GPATCH1: variants seen among roughly 807,000 people sequenced by gnomAD.
GPATCH1 encodes G patch domain-containing protein 1.
Under a neutral mutation model 114.9 loss-of-function variants are expected in GPATCH1, and 73 were observed. The observed-to-expected ratio is 0.64, with a 90% CI of 0.53 to 0.77. The LOEUF (loss-of-function observed/expected upper bound fraction) is 0.77. Ranked by LOEUF, GPATCH1 falls within the 30% of genes least tolerant of loss-of-function variation. GPATCH1 has a pLI of 0.00. For synonymous variants in GPATCH1, 391 were observed against 428.4 expected (o/e 0.91, Z 1.08); for missense variants, 1,058 against 1,144.3 (o/e 0.92, Z 1.09).
intron 3 of GPATCH1, 31 bp downstream of exon 3, chr19:33,090,896 G>A (rs1452750909): frequency 2.9e-6 from 4 of 1,399,670 alleles, no homozygotes; most frequent in Non-Finnish European, 4.1e-6. Flanking sequence ...TTGCCAATTA[G>A]CTGGTGGGAC....
chr19:33,097,275 T>TC (rs1972672343), intron 7 of GPATCH1, among the ~76,000 whole-genome samples: 1 of 152,330 alleles, frequency 6.6e-6, no homozygotes, highest in African/African-American at 2.4e-5. Flanking sequence ...TGTTTTTTTT[T>TC]CAGTCTTTTA....
intron 1 of GPATCH1, among the ~76,000 whole-genome samples, chr19:33,086,879 C>T (rs1352189073): frequency 6.6e-6 from 1 of 151,648 alleles, no homozygotes; most frequent in African/African-American, 2.4e-5. Context: ...GAGGCTGAGG[C>T]AGGAGAACCA....
At chr19:33,085,356 A>G (rs1195696697) in intron 1 of GPATCH1, among the ~76,000 whole-genome samples, 1 of 151,512 alleles carries the variant, frequency 6.6e-6, no homozygotes, top group East Asian at 2.0e-4. Context: ...AGTAACCAGG[A>G]CTATAGGCGC....
At position 33,088,116 on chromosome 19, in the gene GPATCH1, T is replaced by A. The variant is rs1418741433; in HGVS notation, c.74-18T>A. The A allele has an allele frequency of 2.6e-6, 3 of 1,159,458 alleles. No homozygotes were observed. The highest frequency in any genetic ancestry group is 3.4e-5 in the East Asian group (1 of 29,106). 71.8% of individuals were successfully genotyped at this position (1,159,458 alleles called of 1,614,324 possible). The stretch of plus-strand genomic sequence containing the variant: ...CTCTCTTTTTCATTTAAAAAACTTT[T>A]TTTTTTTTTTTTTTTAGGTGAAAGA... On this transcript the variant is annotated intron_variant, in intron 1 of 19. Coordinates refer to ENST00000170564, the MANE Select transcript of GPATCH1 (RefSeq NM_018025.3).
intron 13 of GPATCH1, 171 bp from the exon 14 acceptor site, chr19:33,113,596 T>G (rs763921782): frequency 1.4e-4 from 82 of 567,316 alleles, no homozygotes; most frequent in Non-Finnish European, 2.3e-4. Context: ...GAAAATCTCA[T>G]GGGACCTAAA....
At chr19:33,111,058 C>T (rs1259865257) in intron 11 of GPATCH1, among the ~76,000 whole-genome samples, 5 of 150,476 alleles carry the variant, frequency 3.3e-5, no homozygotes, top group Non-Finnish European at 7.4e-5. Context: ...GCTCTGTTGC[C>T]CAGGCTGGAG....
chr19:33,099,502 C>A (rs976966620), intron 8 of GPATCH1, among the ~76,000 whole-genome samples: 3 of 152,078 alleles, frequency 2.0e-5, no homozygotes, highest in East Asian at 1.9e-4. Flanking sequence ...CTCTCCCCCC[C>A]TGCAGGGTCA....
At position 33,096,440 on chromosome 19, in the gene GPATCH1, A is replaced by C; in HGVS notation, c.846A>C (p.Ser282=). The C allele has an allele frequency of 6.2e-7, 1 of 1,607,304 alleles. No homozygotes were observed. The highest frequency in any genetic ancestry group is 1.7e-4 in the Middle Eastern group (1 of 6,034). ...GLNKGRKLGI[S]GQAFGVGALE... is the part of the protein sequence containing the mutation. ...ATAAAGGAAGAAAATTGGGAATTTC[A>C]GGCCAGGTAAAATTATTTTCTATTT... Residue 282 remains serine (S), a synonymous_variant, in exon 7 of 20, where the codon TCA becomes TCC. Transcript: ENST00000170564.
rs1451601138 is a variant in GPATCH1, at chr19:33,096,298, G to A, written c.704G>A (p.Gly235Asp). Residue 235 changes from glycine to aspartate, a missense_variant, in exon 7 of 20, where the codon GGT becomes GAT. Gly to Asp is a moderately conservative substitution (Grantham distance 94). Transcript: ENST00000170564. The part of the protein sequence containing the change: ...VDFTPKDNVH[G>D]LAYKGLDPHQ... ...TTCACACCTAAAGATAATGTGCATGGTCTAGCTTACAAGGGCCTGGATCCC... is the reference window on the plus strand; with the variant it reads ...TTCACACCTAAAGATAATGTGCATGATCTAGCTTACAAGGGCCTGGATCCC... The A allele has an allele frequency of 2.5e-6, 4 of 1,614,032 alleles. No homozygotes were observed. In the Admixed American group the frequency reaches 5.0e-5, roughly 20 times the overall value.
Position 33,113,902 on chromosome 19 carries a change from C to G in GPATCH1, c.2028C>G (p.Asp676Glu), listed in dbSNP as rs775093525. ...SEKVSQHRGP[D>E]KSRKPSRWDT... ...AAGTATCACAGCACCGAGGTCCCGA[C>G]AGTGAGTAGGGCGTCCCCGGGGTCT... The change falls in exon 14 of 20, where the codon GAC becomes GAG. Residue 676 changes from aspartate (D) to glutamate (E), a missense_variant and splice_region_variant. Around this residue, in one of 3 missense-constraint regions of GPATCH1, gnomAD observed 893 missense variants for 977.4 expected, o/e 0.91. Transcript: ENST00000170564. 45 of 1,613,938 alleles carry G rather than the reference C, an allele frequency of 2.8e-5. No homozygotes were observed. The highest frequency in any genetic ancestry group is 3.7e-5 in the Non-Finnish European group (44 of 1,179,876).
intron 17 of GPATCH1, among the ~76,000 whole-genome samples, chr19:33,124,547 G>A (rs902490990): frequency 1.3e-5 from 2 of 152,272 alleles, no homozygotes; most frequent in South Asian, 2.1e-4. Flanking sequence ...ATACGTTTTT[G>A]TAGAGAGAGG....
intron 10 of GPATCH1, among the ~76,000 whole-genome samples, chr19:33,108,612 C>T (rs1183922193): frequency 6.6e-6 from 1 of 152,120 alleles, no homozygotes; most frequent in Non-Finnish European, 1.5e-5. Flanking sequence ...TACCAGCCCG[C>T]TCACACAAGC....
At chr19:33,119,729 C>T (rs1051174159) in intron 17 of GPATCH1, among the ~76,000 whole-genome samples, 3 of 144,724 alleles carry the variant, frequency 2.1e-5, no homozygotes, top group Admixed American at 7.0e-5. Context: ...CAGCCAGGCA[C>T]AATGGCTCTA....
intron 3 of GPATCH1, 78 bp downstream of exon 3, chr19:33,090,943 C>T (rs1972587717): frequency 2.5e-6 from 2 of 809,964 alleles, no homozygotes; most frequent in African/African-American, 3.4e-5. Context: ...TTCTCTCTCC[C>T]CAGAAGGTCC....
At chr19:33,129,989 T>G (rs2145346758) in intron 19 of GPATCH1, 141 bp from the exon 20 acceptor site, 22 of 585,414 alleles carry the variant, frequency 3.8e-5, no homozygotes, top group East Asian at 2.3e-4. Flanking sequence ...TACTTCATTG[T>G]GGGTTATTGT....
intron 2 of GPATCH1, among the ~76,000 whole-genome samples, chr19:33,090,190 G>A (rs1468996792): frequency 1.3e-5 from 2 of 152,204 alleles, no homozygotes; most frequent in Non-Finnish European, 2.9e-5. Context: ...AGGGAACAAG[G>A]CCATTGGTTA....
At chr19:33,110,074 G>C in intron 11 of GPATCH1, 58 bp downstream of exon 11, 1 of 1,404,038 alleles carries the variant, frequency 7.1e-7, no homozygotes, top group South Asian at 1.3e-5. Context: ...TATTCTCACT[G>C]TTCTCATCCT....
chr19:33,083,897 C>CCTCAAT (rs1247877842), intron 1 of GPATCH1, among the ~76,000 whole-genome samples: 1 of 152,116 alleles, frequency 6.6e-6, no homozygotes, highest in Non-Finnish European at 1.5e-5. Flanking sequence ...ACAACCTCTG[C>CCTCAAT]CTCCCAGGTT....
intron 9 of GPATCH1, 21 bp from the exon 10 acceptor site, chr19:33,106,674 G>T: frequency 6.3e-7 from 1 of 1,596,506 alleles, no homozygotes; most frequent in South Asian, 1.1e-5. Context: ...TATTTTCTGG[G>T]TTTTGTCTTG....
Sources: allele counts gnomAD v4.1 joint callset (sites outside exome capture counted in the v4.1 genomes callset), GRCh38; gene constraint gnomAD v4.1.1; regional missense constraint gnomAD v4.1.1; transcripts MANE v1.5; gene names NCBI Gene and HGNC (gene_info 2026-07-23, HGNC 2026-07-21).